The following P3H2 variants were observed in gnomAD, a reference collection of about 807,000 sequenced individuals.
P3H2 encodes leprecan-like 1.
Under a neutral mutation model 87.0 loss-of-function variants are expected in P3H2, and 80 were observed. The observed-to-expected ratio is 0.92, with a 90% CI of 0.77 to 1.11. The LOEUF (loss-of-function observed/expected upper bound fraction) is 1.11, where lower values mean the gene tolerates loss of function less well. P3H2 is among the 50% of genes least tolerant of loss of function. The pLI is 0.00. For synonymous variants in P3H2, 367 were observed against 359.3 expected, an observed-to-expected ratio of 1.02 and a Z score of -0.24; for missense variants, 1,001 against 923.9, an observed-to-expected ratio of 1.08 and a Z score of -1.08.
chr3:189,957,373 C>T lies in P3H2; in HGVS notation c.*539G>A, dbSNP rs922188442. On this transcript the variant is annotated 3_prime_UTR_variant, in exon 15 of 15. Transcript: ENST00000319332. Reference sequence around the variant, plus strand: ...AGGTTAATTTTAGAACTGGAGCACACGTGAGAGTTGTAGTTTCACCACCAA... The same window carrying T: ...AGGTTAATTTTAGAACTGGAGCACATGTGAGAGTTGTAGTTTCACCACCAA... 15 of 398,824 alleles carry T rather than the reference C, an allele frequency of 3.8e-5. No homozygotes were observed. Among genetic ancestry groups the T allele is most frequent in the East Asian group, 1.8e-4 (5 of 27,616 alleles). The allele number at this position is 398,824 out of a possible 1,614,324, so 24.7% of individuals were successfully genotyped here.
rs548826721 is a variant in P3H2, at chr3:189,965,085, A to G, written c.1894-987T>C. On this transcript the variant is annotated intron_variant, in intron 13 of 14. Transcript: ENST00000319332. ...AAACCAAAAAAAAGTGGCACTAGCC[A>G]TTTTACTAGGTGAGAACATGGACTG... Among the ~76,000 whole-genome samples the G allele has an allele frequency of 5.9e-5, 9 of 152,368 alleles. No homozygotes were observed. The South Asian group carries it at 1.9e-3, about 32-fold the overall frequency.
chr3:190,001,011 T>C (rs931759929), intron 1 of P3H2, among the ~76,000 whole-genome samples: 1 of 152,224 alleles, frequency 6.6e-6, no homozygotes, highest in African/African-American at 2.4e-5. Context: ...GTCAGTTGCC[T>C]GTTTTACTTT....
In P3H2 at chr3:190,120,368, T is replaced by A. The variant is rs1486871614; in HGVS notation, c.364A>T (p.Ser122Cys). The stretch of plus-strand genomic sequence containing the variant: ...CCCCCGAGGCGCTGGGTCTCACAGC[T>A]GCGATAACAGCGCGCCCGCCCCAAC... ...SLLGRARCYR[S>C]CETQRLGGPA... Residue 122 changes from serine (S) to cysteine (C), a missense_variant, in exon 1 of 15, where the codon AGC becomes TGC. Physicochemically the swap from Ser to Cys is moderately radical, Grantham distance 112. Transcript: ENST00000319332. The A allele has an allele frequency of 6.4e-7, 1 of 1,558,590 alleles. No homozygotes were observed. Among genetic ancestry groups the A allele is most frequent in the African/African-American group, 1.4e-5 (1 of 73,814 alleles).
At chr3:189,980,146 A>G (rs837767) in intron 8 of P3H2, among the ~76,000 whole-genome samples, 115,843 of 152,068 alleles carry the variant, frequency 0.76, 44,754 homozygotes, top group East Asian at 0.93. Context: ...GGAATAATAC[A>G]AAATACTAAA....
At chr3:189,963,685 C>G in intron 14 of P3H2, 1 of 424,320 alleles carries the variant, frequency 2.4e-6, no homozygotes. Flanking sequence ...CTCAAGTGAT[C>G]TGCCCACCTC....
chr3:190,067,734 T>C (rs936255585), intron 1 of P3H2, among the ~76,000 whole-genome samples: 1 of 152,230 alleles, frequency 6.6e-6, no homozygotes, highest in Non-Finnish European at 1.5e-5. Flanking sequence ...AAATTATTTA[T>C]GAAGTATTTC....
intron 1 of P3H2, among the ~76,000 whole-genome samples, chr3:190,086,355 G>C (rs544820260): frequency 1.3e-5 from 2 of 152,272 alleles, no homozygotes; most frequent in South Asian, 4.1e-4. Context: ...ACTTACAAAA[G>C]AGAGTGCCAC....
At chr3:189,999,839 G>A (rs1724156165) in intron 1 of P3H2, among the ~76,000 whole-genome samples, 1 of 152,080 alleles carries the variant, frequency 6.6e-6, no homozygotes, top group Non-Finnish European at 1.5e-5. Context: ...AGAAGCTTAG[G>A]GCCATTTCCT....
intron 4 of P3H2, 83 bp downstream of exon 4, chr3:189,988,824 G>A: frequency 6.5e-7 from 1 of 1,538,802 alleles, no homozygotes. Flanking sequence ...GAAGAAGTCA[G>A]AAAACTCAAT....
At chr3:190,004,306 T>C (rs749696348) in intron 1 of P3H2, among the ~76,000 whole-genome samples, 4 of 152,210 alleles carry the variant, frequency 2.6e-5, no homozygotes, top group Non-Finnish European at 5.9e-5. Flanking sequence ...AGATGAGCCC[T>C]TACCTCTACT....
chr3:190,108,257 T>C (rs1368708114), intron 1 of P3H2, among the ~76,000 whole-genome samples: 1 of 152,052 alleles, frequency 6.6e-6, no homozygotes, highest in Non-Finnish European at 1.5e-5. Context: ...GCTCAAGTGA[T>C]CCTCCCACCT....
At chr3:189,958,345 G>C (rs947053566) in intron 14 of P3H2, among the ~76,000 whole-genome samples, 5 of 152,042 alleles carry the variant, frequency 3.3e-5, no homozygotes, top group African/African-American at 1.2e-4. Flanking sequence ...TGTTCTTCAC[G>C]TAGGCTCTCT....
At chr3:190,002,547 C>A (rs527407861) in intron 1 of P3H2, among the ~76,000 whole-genome samples, 1 of 151,848 alleles carries the variant, frequency 6.6e-6, no homozygotes, top group Non-Finnish European at 1.5e-5. Context: ...ATTACAGGCA[C>A]GCGCCAACAC....
chr3:189,974,578 C>G lies in P3H2; in HGVS notation c.1432G>C (p.Glu478Gln), dbSNP rs765657498. Residue 478 changes from glutamate (E) to glutamine (Q), a missense_variant, in exon 9 of 15, where the codon GAG becomes CAG. Physicochemically the swap from Glu to Gln is conservative, Grantham distance 29. Transcript: ENST00000319332. ...DNVLSEEQCR[E>Q]LHSVASGIML... ...CTCACACTGGCCACGCTGTGGAGCT[C>G]CCGGCACTGTTCTTCCGACAGGACG... is the stretch of plus-strand genomic sequence containing the variant. 6.2e-7 allele frequency: 1 copy of G among 1,613,990 alleles called. No individual in the cohort carries two copies. The highest frequency in any genetic ancestry group is 1.1e-5 in the South Asian group (1 of 91,066).
intron 13 of P3H2, 25 bp from the exon 14 acceptor site, chr3:189,964,123 CT>C (rs765509123): frequency 1.2e-6 from 2 of 1,608,512 alleles, no homozygotes; most frequent in African/African-American, 2.7e-5. Context: ...AAAAATTAGA[CT>C]TTCAATTGTT....
chr3:190,041,649 C>T (rs1725640578), intron 1 of P3H2, among the ~76,000 whole-genome samples: 1 of 152,026 alleles, frequency 6.6e-6, no homozygotes, highest in Non-Finnish European at 1.5e-5. Context: ...TCATTGTTGC[C>T]CCTCTATTAA....
At chr3:189,972,094 T>C (rs1292531704) in intron 11 of P3H2, 87 bp from the exon 12 acceptor site, 36 of 832,798 alleles carry the variant, frequency 4.3e-5, no homozygotes, top group Non-Finnish European at 1.0e-5. Context: ...CTCCCAGTCC[T>C]GATGATCTTT....
intron 1 of P3H2, among the ~76,000 whole-genome samples, chr3:190,030,927 C>A (rs1056115757): frequency 1.3e-5 from 2 of 152,114 alleles, no homozygotes; most frequent in Non-Finnish European, 2.9e-5. Flanking sequence ...ATCTTAGCCT[C>A]ATATCCTGCT....
intron 8 of P3H2, among the ~76,000 whole-genome samples, chr3:189,979,975 T>G (rs565967614): frequency 8.3e-4 from 125 of 149,940 alleles, no homozygotes; most frequent in South Asian, 5.7e-3. Context: ...TCTCAAAAAA[T>G]AAAAATAAAA....
Sources: allele counts gnomAD v4.1 joint callset (sites outside exome capture counted in the v4.1 genomes callset), GRCh38; gene constraint gnomAD v4.1.1; transcripts MANE v1.5; gene names NCBI Gene and HGNC (gene_info 2026-07-23, HGNC 2026-07-21).